Variants in DHX30 observed in about 807,000 individuals in gnomAD.
DHX30 encodes DExH-box helicase 30.
In DHX30, 4 loss-of-function variants were observed where a neutral mutation model predicts 116.9. The ratio of observed to expected loss-of-function variants is 0.03; its 90% CI spans 0.02 to 0.08. The LOEUF is 0.08. Among genes scored for constraint, DHX30 ranks in the 10% least tolerant of loss-of-function variants. DHX30 has a pLI of 1.00. For missense variants in DHX30, 871 were observed against 1,595.1 expected, an observed-to-expected ratio of 0.55 and a Z score of 7.73; for synonymous variants, 697 against 651.7, an observed-to-expected ratio of 1.07 and a Z score of -1.06.
rs2037920711 is a variant in DHX30, at chr3:47,849,468, C to T, written c.3105C>T (p.Val1035=). ...CCCTGCAGGTGAGGCAGGGCAAGGT[C>T]ACCCGGCAGGGGAAGTTCAAGCCCA... ...PNLIQVRQGK[V]TRQGKFKPNS... The change falls in exon 20 of 22, where the codon GTC becomes GTT. Residue 1035 remains valine, a synonymous_variant. Coordinates refer to ENST00000445061, the MANE Select transcript of DHX30 (RefSeq NM_138615.3). The T allele has an allele frequency of 6.3e-7, 1 of 1,575,092 alleles. No homozygotes were observed. The highest frequency in any genetic ancestry group is 8.6e-7 in the Non-Finnish European group (1 of 1,156,786).
intron 9 of DHX30, among the ~76,000 whole-genome samples, chr3:47,844,220 C>T (rs1157769261): frequency 1.3e-5 from 2 of 152,204 alleles, no homozygotes; most frequent in Non-Finnish European, 2.9e-5. Flanking sequence ...GTTTTAGTTA[C>T]AGCTGATGGT....
intron 6 of DHX30, among the ~76,000 whole-genome samples, chr3:47,837,394 G>C (rs185023937): frequency 4.5e-4 from 69 of 152,372 alleles, no homozygotes; most frequent in African/African-American, 1.5e-3. Flanking sequence ...ATCACTGACA[G>C]CAGTAGTTTT....
Position 47,848,004 on chromosome 3 carries a change from G to A in DHX30, c.2286+48G>A, listed in dbSNP as rs756551340. 9.3e-5 allele frequency: 149 copies of A among 1,605,546 alleles called. 1 individual carries two copies. Among genetic ancestry groups the A allele is most frequent in the Non-Finnish European group, 1.2e-4 (142 of 1,173,904 alleles). ...GGCCAACCACTGGGGGAGGGACTCC[G>A]TTTTGAGGTGGTCCCCAGCCCAGAT... is the stretch of plus-strand genomic sequence containing the variant. On this transcript the variant is annotated intron_variant, in intron 14 of 21. Coordinates refer to ENST00000445061, the MANE Select transcript of DHX30 (RefSeq NM_138615.3). The surrounding 1 kb of genome is among the most constrained non-coding windows in gnomAD (Gnocchi z 9.4).
rs372207829 is a variant in DHX30, at chr3:47,847,911, G to A, written c.2241G>A (p.Val747=). The A allele has an allele frequency of 9.3e-6, 15 of 1,614,048 alleles. No individual in the cohort carries two copies. In the Admixed American group the frequency reaches 1.3e-4, roughly 14 times the overall value. The change falls in exon 14 of 22, where the codon GTG becomes GTA. Residue 747 remains valine (V), a synonymous_variant. Coordinates refer to ENST00000445061, the MANE Select transcript of DHX30 (RefSeq NM_138615.3). The surrounding 1 kb of genome is among the most constrained non-coding windows in gnomAD (Gnocchi z 5.5). The part of the protein sequence containing the change: ...SITINDIVHV[V]DSGLHKEERY... ...CAATCAATGACATCGTGCATGTGGTGGACAGTGGGCTGCACAAGGAAGAAC... is the reference window on the plus strand; with the variant it reads ...CAATCAATGACATCGTGCATGTGGTAGACAGTGGGCTGCACAAGGAAGAAC...
chr3:47,846,129 CT>C (rs749083399), intron 10 of DHX30, 35 bp from the exon 11 acceptor site: 35 of 1,585,506 alleles, frequency 2.2e-5, no homozygotes, highest in Non-Finnish European at 3.0e-5. Context: ...TGAGGAATTT[CT>C]TTTTCATTGT....
At position 47,841,900 on chromosome 3, in the gene DHX30, T is replaced by C. The variant is rs1327864836; in HGVS notation, c.789+163T>C. The C allele has an allele frequency of 4.1e-6, 4 of 980,200 alleles. No homozygotes were observed. In the African/African-American group the frequency reaches 4.8e-5, roughly 12 times the overall value. The allele number at this position is 980,200 out of a possible 1,614,324, so 60.7% of individuals were successfully genotyped here. The stretch of plus-strand genomic sequence containing the variant: ...TTGGGAGGAAAAGCAGCAGGTGTGA[T>C]GGAATGGAGGTCAAGCCTCAGCAGC... On this transcript the variant is annotated intron_variant, in intron 8 of 21. Transcript: ENST00000445061.
intron 4 of DHX30, among the ~76,000 whole-genome samples, chr3:47,821,895 G>A (rs1319982107): frequency 1.3e-5 from 2 of 152,162 alleles, no homozygotes; most frequent in Admixed American, 6.5e-5. Context: ...CACCGTACCT[G>A]GTCTTTAAGG....
intron 3 of DHX30, chr3:47,816,152 A>G (rs1172124641): frequency 1.0e-6 from 1 of 980,318 alleles, no homozygotes; most frequent in Non-Finnish European, 1.2e-6. Context: ...AAAATCACAT[A>G]CCTATAAAAT....
Position 47,829,015 on chromosome 3 carries a change from C to T in DHX30, c.256-9C>T. The T allele has an allele frequency of 6.3e-7, 1 of 1,582,998 alleles. No homozygotes were observed. The highest frequency in any genetic ancestry group is 8.7e-7 in the Non-Finnish European group (1 of 1,155,238). Reference sequence around the variant, plus strand: ...GCAAGACTTCTGATTTCTCTCTTCTCTTCCCCAGAAAGTCACACTGCACAT... The same window carrying T: ...GCAAGACTTCTGATTTCTCTCTTCTTTTCCCCAGAAAGTCACACTGCACAT... On this transcript the variant is annotated splice_polypyrimidine_tract_variant and intron_variant, in intron 5 of 21. Coordinates refer to ENST00000445061, the MANE Select transcript of DHX30 (RefSeq NM_138615.3).
intron 3 of DHX30, among the ~76,000 whole-genome samples, chr3:47,812,373 C>A (rs946105158): frequency 5.3e-5 from 8 of 151,452 alleles, no homozygotes; most frequent in Admixed American, 5.3e-4. Context: ...GCCTGGCCAA[C>A]ATGATGAGAC....
At chr3:47,829,287 G>GATATATAT (rs1189388149) in intron 6 of DHX30, among the ~76,000 whole-genome samples, 153 bp downstream of exon 6, 23 of 35,832 alleles carry the variant, frequency 6.4e-4, no homozygotes, top group African/African-American at 2.0e-3. Flanking sequence ...CAGCCAATGA[G>GATATATAT]ATATATATAT....
At position 47,849,176 on chromosome 3, in the gene DHX30, C is replaced by A; in HGVS notation, c.2930-16C>A. 2 of 1,613,678 alleles carry A rather than the reference C, an allele frequency of 1.2e-6. No individual in the cohort carries two copies. Among genetic ancestry groups the A allele is most frequent in the Non-Finnish European group, 1.7e-6 (2 of 1,179,848 alleles). On this transcript the variant is annotated splice_polypyrimidine_tract_variant and intron_variant, in intron 18 of 21. Transcript: ENST00000445061. ...GGCTAGGGGCTGTAGGTCCACCACA[C>A]ATTCTGTCTCCCTAGGACTCATCAA...
chr3:47,847,280 A>T lies in DHX30; in HGVS notation c.1937A>T (p.Asp646Val). The T allele has an allele frequency of 6.2e-7, 1 of 1,614,144 alleles. No individual in the cohort carries two copies. Among genetic ancestry groups the T allele is most frequent in the Non-Finnish European group, 8.5e-7 (1 of 1,180,028 alleles). ...LHRHRHHESE[D>V]ECALDLDLVT... is the part of the protein sequence containing the mutation. ...TCTCTTCCCCCACCCCAGTCTGAGG[A>T]TGAATGCGCACTCGATTTGGACCTT... Residue 646 changes from aspartate to valine, a missense_variant, in exon 12 of 22, where the codon GAT becomes GTT. This residue lies in a region of DHX30 where 61 missense variants were observed against 106.7 expected (regional missense o/e 0.57). Coordinates refer to ENST00000445061, the MANE Select transcript of DHX30 (RefSeq NM_138615.3). The surrounding 1 kb of genome is among the most constrained non-coding windows in gnomAD (Gnocchi z 5.5).
rs778916266 is a variant in DHX30 at position 47,810,664 on chromosome 3, G to C, written c.-20G>C. 83 of 1,613,974 alleles carry C rather than the reference G, an allele frequency of 5.1e-5. 3 individuals carry two copies. In the South Asian group the frequency reaches 8.9e-4, roughly 17 times the overall value. On this transcript the variant is annotated 5_prime_UTR_variant, in exon 3 of 22. Coordinates refer to ENST00000445061, the MANE Select transcript of DHX30 (RefSeq NM_138615.3). Reference sequence around the variant, plus strand: ...GGCCCTCCTTGTTCTCAGGATTCCAGCTTTCCCTCCTGGCCAGAAATGTTC... The same window carrying C: ...GGCCCTCCTTGTTCTCAGGATTCCACCTTTCCCTCCTGGCCAGAAATGTTC...
chr3:47,803,989 A>C (rs1278141605), intron 1 of DHX30, among the ~76,000 whole-genome samples: 2 of 152,336 alleles, frequency 1.3e-5, no homozygotes, highest in East Asian at 3.9e-4. Flanking sequence ...GCAGAAGGCC[A>C]CTTACAGGCT....
chr3:47,830,021 G>T (rs1182168150), intron 6 of DHX30, among the ~76,000 whole-genome samples: 3 of 151,078 alleles, frequency 2.0e-5, no homozygotes, highest in African/African-American at 7.3e-5. Context: ...TAGTAGAGAT[G>T]GGGTTTCAAC....
At chr3:47,835,496 G>A (rs1050864383) in intron 6 of DHX30, among the ~76,000 whole-genome samples, 2 of 151,242 alleles carry the variant, frequency 1.3e-5, no homozygotes, top group African/African-American at 4.8e-5. Flanking sequence ...GTACAGATGG[G>A]GTTTCACCAT....
chr3:47,840,846 C>T (rs768638840), intron 6 of DHX30, 31 bp from the exon 7 acceptor site: 7 of 1,613,402 alleles, frequency 4.3e-6, no homozygotes, highest in Non-Finnish European at 5.9e-6. Flanking sequence ...AAGATGGTAT[C>T]AATCCTTAAA....
Position 47,847,663 on chromosome 3 carries a change from T to A in DHX30, c.2111-118T>A, listed in dbSNP as rs115558023. 6.8e-7 allele frequency: 1 copy of A among 1,464,630 alleles called. No individual in the cohort carries two copies. The highest frequency in any genetic ancestry group is 1.4e-5 in the African/African-American group (1 of 71,204). 90.7% of individuals were successfully genotyped at this position (1,464,630 alleles called of 1,614,324 possible). ...AAGCTGTGGCACTTTTCACTGGGCA[T>A]AGTGTTTATCTGCGCCTGTTTCATC... On this transcript the variant is annotated intron_variant, in intron 13 of 21. Coordinates refer to ENST00000445061, the MANE Select transcript of DHX30 (RefSeq NM_138615.3). This position sits in a 1 kb window ranked among gnomAD's most constrained non-coding sequence, Gnocchi z 5.5.
Sources: allele counts gnomAD v4.1 joint callset (sites outside exome capture counted in the v4.1 genomes callset), GRCh38; gene constraint gnomAD v4.1.1; regional missense constraint gnomAD v4.1.1; non-coding constraint Gnocchi (gnomAD v3.1); transcripts MANE v1.5; gene names NCBI Gene and HGNC (gene_info 2026-07-23, HGNC 2026-07-21).